The following TRAPPC9 variants were observed in gnomAD, a reference collection of about 807,000 sequenced individuals.
The protein encoded by TRAPPC9 is IKK2 binding protein.
TRAPPC9 carries 83 observed loss-of-function variants against 124.0 expected under a neutral mutation model. The observed-to-expected ratio is 0.67, with a 90% confidence interval of 0.56 to 0.80. The LOEUF is 0.80. Ranked by LOEUF, TRAPPC9 falls within the 30% of genes least tolerant of loss-of-function variation. The pLI, the probability that TRAPPC9 is intolerant of heterozygous loss-of-function variation, is 0.00. For synonymous variants in TRAPPC9, 638 were observed against 617.5 expected (o/e 1.03, Z -0.49); for missense variants, 1,302 against 1,508.3 (o/e 0.86, Z 2.27).
At chr8:140,032,991 A>G (rs2131976437) in intron 17 of TRAPPC9, among the ~76,000 whole-genome samples, 1 of 152,352 alleles carries the variant, frequency 6.6e-6, no homozygotes, top group South Asian at 2.1e-4. Context: ...AAAGTGGAAC[A>G]TCTTTCCATA....
Position 140,300,591 on chromosome 8 carries a change from G to A in TRAPPC9, c.1646C>T (p.Pro549Leu), listed in dbSNP as rs1281669389. 6.2e-7 allele frequency: 1 copy of A among 1,614,222 alleles called. No individual in the cohort carries two copies. The highest frequency in any genetic ancestry group is 1.3e-5 in the African/African-American group (1 of 75,064). The change falls in exon 11 of 23, where the codon CCT (proline) becomes CTT (leucine). Residue 549 changes from proline to leucine, a missense_variant. Physicochemically the swap from Pro to Leu is moderately conservative, Grantham distance 98 (BLOSUM62 -3). This residue lies in a region of TRAPPC9 where 657 missense variants were observed against 811.2 expected (regional missense o/e 0.81). Transcript: ENST00000438773. ...CATTTTGTGTGGCCGGAGGCTAGCAGGAAGGTTCAATAGTTTCACATGCCT... is the reference window on the plus strand; with the variant it reads ...CATTTTGTGTGGCCGGAGGCTAGCAAGAAGGTTCAATAGTTTCACATGCCT... The part of the protein sequence containing the change: ...IVRHVKLLNL[P>L]ASLRPHKMKS...
intron 21 of TRAPPC9, among the ~76,000 whole-genome samples, chr8:139,880,480 G>A (rs1028805529): frequency 3.9e-5 from 6 of 152,128 alleles, no homozygotes; most frequent in African/African-American, 7.2e-5. Flanking sequence ...CTGGGGTCCC[G>A]TTTAAGGTTT....
chr8:140,277,302 T>C (rs981489389), intron 14 of TRAPPC9, among the ~76,000 whole-genome samples: 7 of 152,158 alleles, frequency 4.6e-5, no homozygotes, highest in Admixed American at 2.6e-4. Flanking sequence ...GCATAATAAA[T>C]CAAGGTGAGC....
intron 9 of TRAPPC9, among the ~76,000 whole-genome samples, chr8:140,341,692 A>C (rs1291832189): frequency 6.6e-6 from 1 of 152,202 alleles, no homozygotes; most frequent in Non-Finnish European, 1.5e-5. Context: ...AAAAAAAAAA[A>C]AACTTTGGGA....
At chr8:139,901,543 C>A (rs1430651745) in intron 20 of TRAPPC9, among the ~76,000 whole-genome samples, 1 of 152,174 alleles carries the variant, frequency 6.6e-6, no homozygotes, top group Non-Finnish European at 1.5e-5. Flanking sequence ...CTGCAACTGG[C>A]TCACTGCTGC....
chr8:140,220,702 C>A (rs866709598), intron 17 of TRAPPC9, among the ~76,000 whole-genome samples: 1 of 152,228 alleles, frequency 6.6e-6, no homozygotes, highest in South Asian at 2.1e-4. Context: ...CACTGACTCA[C>A]AAGCATCTTG....
chr8:139,757,589 G>C (rs1819938516), intron 21 of TRAPPC9, among the ~76,000 whole-genome samples: 1 of 152,026 alleles, frequency 6.6e-6, no homozygotes, highest in African/African-American at 2.4e-5. Context: ...GCATGTCGCA[G>C]GGGCCCTGGA....
At chr8:140,447,161 A>C (rs1242051497) in intron 2 of TRAPPC9, among the ~76,000 whole-genome samples, 2 of 152,184 alleles carry the variant, frequency 1.3e-5, no homozygotes, top group African/African-American at 4.8e-5. Flanking sequence ...TCCTCAAAAC[A>C]AACAAACCAA....
intron 17 of TRAPPC9, among the ~76,000 whole-genome samples, chr8:140,196,929 A>G (rs997935423): frequency 5.3e-5 from 8 of 152,234 alleles, no homozygotes; most frequent in Non-Finnish European, 1.0e-4. Flanking sequence ...GTGACATGAA[A>G]ACACACACAA....
intron 9 of TRAPPC9, among the ~76,000 whole-genome samples, chr8:140,356,494 C>T (rs2067749737): frequency 6.6e-6 from 1 of 152,164 alleles, no homozygotes; most frequent in Admixed American, 6.5e-5. Context: ...CGCAGGGTAC[C>T]CAAAGGGGAA....
intron 15 of TRAPPC9, among the ~76,000 whole-genome samples, chr8:140,254,062 G>A (rs954647082): frequency 3.3e-5 from 5 of 152,144 alleles, no homozygotes; most frequent in African/African-American, 7.2e-5. Context: ...GCTGGTGCCC[G>A]CTGAAGTAGC....
intron 17 of TRAPPC9, among the ~76,000 whole-genome samples, chr8:140,119,223 G>A (rs2060943067): frequency 1.3e-5 from 2 of 152,258 alleles, no homozygotes; most frequent in Admixed American, 1.3e-4. Context: ...GCAAGCACAC[G>A]GGGCTGTCAT....
intron 7 of TRAPPC9, among the ~76,000 whole-genome samples, chr8:140,388,140 G>A (rs559050491): frequency 6.1e-5 from 9 of 148,358 alleles, no homozygotes; most frequent in Admixed American, 1.4e-4. Flanking sequence ...AACAAACACC[G>A]CATGTTCTCA....
At chr8:140,246,706 G>C (rs2063995692) in intron 16 of TRAPPC9, among the ~76,000 whole-genome samples, 1 of 151,774 alleles carries the variant, frequency 6.6e-6, no homozygotes, top group Admixed American at 6.6e-5. Flanking sequence ...TTTGGGGCCG[G>C]GCATGGTGGC....
chr8:139,925,831 A>ACG (rs1265877474), intron 19 of TRAPPC9, among the ~76,000 whole-genome samples: 8 of 41,470 alleles, frequency 1.9e-4, no homozygotes, highest in African/African-American at 6.4e-4. Flanking sequence ...GCACACGCAC[A>ACG]CACACACACA....
intron 17 of TRAPPC9, among the ~76,000 whole-genome samples, chr8:140,029,713 T>C (rs892432746): frequency 6.6e-6 from 1 of 151,324 alleles, no homozygotes; most frequent in African/African-American, 2.4e-5. Context: ...AACAAACATG[T>C]AAATTAGAAA....
chr8:140,249,666 C>G (rs933413864), intron 16 of TRAPPC9, among the ~76,000 whole-genome samples: 1 of 141,842 alleles, frequency 7.1e-6, no homozygotes, highest in Non-Finnish European at 1.5e-5. Context: ...GGCAGTGGCG[C>G]GATCTCGGCT....
chr8:140,059,596 C>T (rs772457582), intron 17 of TRAPPC9, among the ~76,000 whole-genome samples: 2 of 152,228 alleles, frequency 1.3e-5, no homozygotes, highest in African/African-American at 4.8e-5. Context: ...ACCTATCATA[C>T]GCCACTGGTC....
chr8:140,410,555 A>C lies in TRAPPC9; in HGVS notation c.887-4857T>G, dbSNP rs570481438. ...CATCTCAAAAATAAAACAACAACAA[A>C]AAAAAAGGCCGGGCGCAGTGGCTCA... is the stretch of plus-strand genomic sequence containing the variant. On this transcript the variant is annotated intron_variant, in intron 5 of 22. Transcript: ENST00000438773. Among the ~76,000 whole-genome samples, 311 of 151,856 alleles carry C rather than the reference A, an allele frequency of 2.0e-3. 1 individual carries two copies. The highest frequency in any genetic ancestry group is 6.8e-3 in the African/African-American group (280 of 41,416).
Sources: allele counts gnomAD v4.1 joint callset (sites outside exome capture counted in the v4.1 genomes callset), GRCh38; gene constraint gnomAD v4.1.1; regional missense constraint gnomAD v4.1.1; transcripts MANE v1.5; gene names NCBI Gene and HGNC (gene_info 2026-07-23, HGNC 2026-07-21).